The following NPW variants were observed in gnomAD, a reference collection of about 807,000 sequenced individuals.
The protein encoded by NPW is neuropeptide W.
NPW carries 8 observed loss-of-function variants against 9.9 expected under a neutral mutation model. That is an observed-to-expected ratio of 0.81 (90% CI 0.47 to 1.46). NPW has a LOEUF of 1.46. Ranked by LOEUF, NPW falls within the 40% of genes most tolerant of loss-of-function variation. The pLI is 0.00. For missense variants in NPW, 287 were observed against 240.3 expected (o/e 1.19, Z -1.28); for synonymous variants, 134 against 119.9 (o/e 1.12, Z -0.77).
At position 2,020,228 on chromosome 16, in the gene NPW, G is replaced by T. The variant is rs1478767270; in HGVS notation, c.327G>T (p.Gly109=). The change falls in exon 1 of 2, where the codon GGG becomes GGT. Residue 109 remains glycine, a synonymous_variant. Transcript: ENST00000566435. ...CGCGACGCAGGAGCTCCCAGGCAGG[G>T]ATCCCCGTCCGTGCGCCCCGGAGCC... 1 of 1,585,630 alleles carries T rather than the reference G, an allele frequency of 6.3e-7. No individual in the cohort carries two copies. The highest frequency in any genetic ancestry group is 2.3e-5 in the East Asian group (1 of 43,990).
At position 2,020,100 on chromosome 16, in the gene NPW, C is replaced by T. The variant is rs377181778; in HGVS notation, c.199C>T (p.Arg67Cys). ...ACCCTATCTGTGGCGCCGCGCGCTG[C>T]GCGCGGCCGCCGGGCCCCTGGCCAG... The change falls in exon 1 of 2, where the codon CGC (arginine) becomes TGC (cysteine). Residue 67 changes from arginine to cysteine, a missense_variant. Coordinates refer to ENST00000566435, the MANE Select transcript of NPW (RefSeq NM_001099456.3). The T allele has an allele frequency of 1.3e-6, 2 of 1,504,996 alleles. No homozygotes were observed. Among genetic ancestry groups the T allele is most frequent in the East Asian group, 2.5e-5 (1 of 40,450 alleles). 93.2% of individuals were successfully genotyped at this position (1,504,996 alleles called of 1,614,324 possible). A position where few individuals can be genotyped will look rare whatever the true frequency, so the allele number is the denominator to read the frequency against.
chr16:2,020,021 C>G lies in NPW; in HGVS notation c.120C>G (p.Pro40=), dbSNP rs769388846. The G allele has an allele frequency of 1.3e-5, 19 of 1,500,342 alleles. No individual in the cohort carries two copies. The East Asian group carries it at 5.1e-4, about 41-fold the overall frequency. The allele number at this position is 1,500,342 out of a possible 1,614,324, so 92.9% of individuals were successfully genotyped here. ...CGTGGTACAAGCACGTGGCGAGTCC[C>G]CGCTACCACACGGTGGGCCGCGCCG... Residue 40 remains proline, a synonymous_variant, in exon 1 of 2, where the codon CCC becomes CCG. Coordinates refer to ENST00000566435, the MANE Select transcript of NPW (RefSeq NM_001099456.3).
chr16:2,019,873 C>G lies in NPW; in HGVS notation c.-29C>G, dbSNP rs1272283918. 2 of 1,213,774 alleles carry G rather than the reference C, an allele frequency of 1.6e-6. No individual in the cohort carries two copies. The highest frequency in any genetic ancestry group is 2.0e-6 in the Non-Finnish European group (2 of 977,450). The allele number at this position is 1,213,774 out of a possible 1,614,324, so 75.2% of individuals were successfully genotyped here. A position where few individuals can be genotyped will look rare whatever the true frequency, so the allele number is the denominator to read the frequency against. On this transcript the variant is annotated 5_prime_UTR_variant, in exon 1 of 2. Coordinates refer to ENST00000566435, the MANE Select transcript of NPW (RefSeq NM_001099456.3). Reference sequence around the variant, plus strand: ...CCAGCCGAGCCGGTTCGTGGCCCGCCCCGCCGGGCGGCCGTCGACGCGAGC... The same window carrying G: ...CCAGCCGAGCCGGTTCGTGGCCCGCGCCGCCGGGCGGCCGTCGACGCGAGC...
Position 2,020,124 on chromosome 16 carries a change from A to T in NPW, c.223A>T (p.Arg75Trp), listed in dbSNP as rs771332538. ...GCGCGCGGCCGCCGGGCCCCTGGCC[A>T]GGGACACCCTCTCCCCCGAACCCGC... Residue 75 changes from arginine to tryptophan, a missense_variant, in exon 1 of 2, where the codon AGG becomes TGG. Transcript: ENST00000566435. 6.5e-7 allele frequency: 1 copy of T among 1,549,296 alleles called. No homozygotes were observed. Among genetic ancestry groups the T allele is most frequent in the Non-Finnish European group, 8.7e-7 (1 of 1,153,350 alleles).
Position 2,020,601 on chromosome 16 carries a change from G to GA in NPW, c.480_481insA (p.Ala161SerfsTer19), listed in dbSNP as rs1319779153. On this transcript the variant is annotated frameshift_variant, in exon 2 of 2. Coordinates refer to ENST00000566435, the MANE Select transcript of NPW (RefSeq NM_001099456.3). LOFTEE classifies it high-confidence loss of function. ...CAAACCGCCTTGGCCTGCCCTGCCT[G>GA]GCCCCCGGACCGTTCTGACAGCGTC... 6.2e-7 allele frequency: 1 copy of GA among 1,604,432 alleles called. No individual in the cohort carries two copies. The highest frequency in any genetic ancestry group is 8.5e-7 in the Non-Finnish European group (1 of 1,174,458).
rs973392837 is a variant in NPW at position 2,019,912 on chromosome 16, G to C, written c.11G>C (p.Arg4Pro). 2.4e-6 allele frequency: 3 copies of C among 1,276,510 alleles called. No individual in the cohort carries two copies. The highest frequency in any genetic ancestry group is 3.0e-6 in the Non-Finnish European group (3 of 1,013,252). The allele number at this position is 1,276,510 out of a possible 1,614,324, so 79.1% of individuals were successfully genotyped here. Residue 4 changes from arginine (R) to proline (P), a missense_variant, in exon 1 of 2, where the codon CGC becomes CCC. Physicochemically the swap from Arg to Pro is moderately radical, Grantham distance 103. Coordinates refer to ENST00000566435, the MANE Select transcript of NPW (RefSeq NM_001099456.3). Reference sequence around the variant, plus strand: ...GTCGACGCGAGCGCCCTGGCGTGGCGCCCAGGGGAGCGGGGGGCTCCCGCG... The same window carrying C: ...GTCGACGCGAGCGCCCTGGCGTGGCCCCCAGGGGAGCGGGGGGCTCCCGCG...
At chr16:2,020,502 C>G in intron 1 of NPW, 31 bp from the exon 2 acceptor site, 1 of 1,504,372 alleles carries the variant, frequency 6.6e-7, no homozygotes, top group Non-Finnish European at 9.2e-7. Context: ...GCCACAGCCT[C>G]CTCCCCACGG....
At chr16:2,020,481 G>A in intron 1 of NPW, 52 bp from the exon 2 acceptor site, 1 of 1,417,824 alleles carries the variant, frequency 7.1e-7, no homozygotes, top group Non-Finnish European at 9.9e-7. Context: ...CCCGGGGGCG[G>A]TGGTTGGAGG....
In NPW at chr16:2,019,991, C is replaced by A; in HGVS notation, c.90C>A (p.Ser30=). The A allele has an allele frequency of 6.9e-7, 1 of 1,448,150 alleles. No individual in the cohort carries two copies. Among genetic ancestry groups the A allele is most frequent in the Non-Finnish European group, 9.1e-7 (1 of 1,101,430 alleles). 89.7% of individuals were successfully genotyped at this position (1,448,150 alleles called of 1,614,324 possible). A position where few individuals can be genotyped will look rare whatever the true frequency, so the allele number is the denominator to read the frequency against. ...TTCTGCTCCTGCTGCCGCTGCCCTC[C>A]GGCGCGTGGTACAAGCACGTGGCGA... The change falls in exon 1 of 2, where the codon TCC becomes TCA. Residue 30 remains serine (S), a synonymous_variant. Transcript: ENST00000566435.
At position 2,020,628 on chromosome 16, in the gene NPW, C is replaced by A; in HGVS notation, c.*9C>A. The A allele has an allele frequency of 6.4e-7, 1 of 1,561,134 alleles. No individual in the cohort carries two copies. The highest frequency in any genetic ancestry group is 8.8e-7 in the Non-Finnish European group (1 of 1,141,352). On this transcript the variant is annotated 3_prime_UTR_variant, in exon 2 of 2. Transcript: ENST00000566435. ...CCCCCGGACCGTTCTGACAGCGTCCCCCGCCCGCCCGTGGCGCCTCCGCGC... is the reference window on the plus strand; with the variant it reads ...CCCCCGGACCGTTCTGACAGCGTCCACCGCCCGCCCGTGGCGCCTCCGCGC...
chr16:2,020,172 C>T lies in NPW; in HGVS notation c.271C>T (p.Leu91=). The change falls in exon 1 of 2, where the codon CTG becomes TTG. Residue 91 remains leucine (L), a synonymous_variant. Coordinates refer to ENST00000566435, the MANE Select transcript of NPW (RefSeq NM_001099456.3). Reference sequence around the variant, plus strand: ...CGCAGCCCGCGAGGCTCCTCTCCTGCTGCCCTCGTGGGTTCAGGAGCTGTG... The same window carrying T: ...CGCAGCCCGCGAGGCTCCTCTCCTGTTGCCCTCGTGGGTTCAGGAGCTGTG... The T allele has an allele frequency of 6.3e-7, 1 of 1,591,964 alleles. No individual in the cohort carries two copies. Among genetic ancestry groups the T allele is most frequent in the Non-Finnish European group, 8.5e-7 (1 of 1,172,252 alleles).
Position 2,019,929 on chromosome 16 carries a change from G to C in NPW, c.28G>C (p.Ala10Pro). The change falls in exon 1 of 2, where the codon GCT (alanine) becomes CCT (proline). Residue 10 changes from alanine (A) to proline (P), a missense_variant. By Grantham distance (27) the Ala-to-Pro change is conservative. Transcript: ENST00000566435. The stretch of plus-strand genomic sequence containing the variant: ...GGCGTGGCGCCCAGGGGAGCGGGGG[G>C]CTCCCGCGAGCCGGCCGCGGCTGGC... The C allele has an allele frequency of 1.5e-6, 2 of 1,323,542 alleles. No homozygotes were observed. The highest frequency in any genetic ancestry group is 1.9e-6 in the Non-Finnish European group (2 of 1,036,586). The allele number at this position is 1,323,542 out of a possible 1,614,324, so 82.0% of individuals were successfully genotyped here.
chr16:2,020,454 C>G, intron 1 of NPW, 79 bp from the exon 2 acceptor site: 1 of 1,324,434 alleles, frequency 7.6e-7, no homozygotes, highest in East Asian at 2.4e-5. Flanking sequence ...TTTCCCTGGG[C>G]AGGCTCGACC....
chr16:2,020,115 C>A lies in NPW; in HGVS notation c.214C>A (p.Pro72Thr). 1.3e-6 allele frequency: 2 copies of A among 1,529,212 alleles called. No homozygotes were observed. The highest frequency in any genetic ancestry group is 2.1e-5 in the Admixed American group (1 of 48,364). The allele number at this position is 1,529,212 out of a possible 1,614,324, so 94.7% of individuals were successfully genotyped here. Residue 72 changes from proline to threonine, a missense_variant, in exon 1 of 2, where the codon CCC becomes ACC. By Grantham distance (38) the Pro-to-Thr change is conservative (BLOSUM62 -1). Transcript: ENST00000566435. Reference sequence around the variant, plus strand: ...CCGCGCGCTGCGCGCGGCCGCCGGGCCCCTGGCCAGGGACACCCTCTCCCC... The same window carrying A: ...CCGCGCGCTGCGCGCGGCCGCCGGGACCCTGGCCAGGGACACCCTCTCCCC...
Position 2,020,192 on chromosome 16 carries a change from G to C in NPW, c.291G>C (p.Glu97Asp). ...TCCTGCTGCCCTCGTGGGTTCAGGA[G>C]CTGTGGGAGACGCGACGCAGGAGCT... is the stretch of plus-strand genomic sequence containing the variant. The change falls in exon 1 of 2, where the codon GAG (glutamate) becomes GAC (aspartate). Residue 97 changes from glutamate to aspartate, a missense_variant. By Grantham distance (45) the Glu-to-Asp change is conservative (BLOSUM62 2). Transcript: ENST00000566435. The C allele has an allele frequency of 6.3e-7, 1 of 1,598,582 alleles. No homozygotes were observed. The highest frequency in any genetic ancestry group is 8.5e-7 in the Non-Finnish European group (1 of 1,176,024).
Position 2,020,098 on chromosome 16 carries a change from TGC to T in NPW, c.203_204del (p.Ala68GlyfsTer111). The T allele has an allele frequency of 6.7e-7, 1 of 1,501,512 alleles. No individual in the cohort carries two copies. Among genetic ancestry groups the T allele is most frequent in the Admixed American group, 2.3e-5 (1 of 43,668 alleles). The allele number at this position is 1,501,512 out of a possible 1,614,324, so 93.0% of individuals were successfully genotyped here. A position where few individuals can be genotyped will look rare whatever the true frequency, so the allele number is the denominator to read the frequency against. ...TCACCCTATCTGTGGCGCCGCGCGCTGCGCGCGGCCGCCGGGCCCCTGGCCAG... is the reference window on the plus strand; with the variant it reads ...TCACCCTATCTGTGGCGCCGCGCGCTGCGCGGCCGCCGGGCCCCTGGCCAG... On this transcript the variant is annotated frameshift_variant, in exon 1 of 2. Coordinates refer to ENST00000566435, the MANE Select transcript of NPW (RefSeq NM_001099456.3). LOFTEE classifies it high-confidence loss of function.
At position 2,019,925 on chromosome 16, in the gene NPW, G is replaced by T; in HGVS notation, c.24G>T (p.Arg8=). The T allele has an allele frequency of 7.6e-7, 1 of 1,316,726 alleles. No homozygotes were observed. Among genetic ancestry groups the T allele is most frequent in the Non-Finnish European group, 9.7e-7 (1 of 1,033,146 alleles). 81.6% of individuals were successfully genotyped at this position (1,316,726 alleles called of 1,614,324 possible). ...CCCTGGCGTGGCGCCCAGGGGAGCG[G>T]GGGGCTCCCGCGAGCCGGCCGCGGC... Residue 8 remains arginine, a synonymous_variant, in exon 1 of 2, where the codon CGG becomes CGT. Coordinates refer to ENST00000566435, the MANE Select transcript of NPW (RefSeq NM_001099456.3).
rs1448403463 is a variant in NPW at position 2,020,002 on chromosome 16, A to G, written c.101A>G (p.Tyr34Cys). The change falls in exon 1 of 2, where the codon TAC (tyrosine) becomes TGC (cysteine). Residue 34 changes from tyrosine to cysteine, a missense_variant. Coordinates refer to ENST00000566435, the MANE Select transcript of NPW (RefSeq NM_001099456.3). Reference sequence around the variant, plus strand: ...CTGCCGCTGCCCTCCGGCGCGTGGTACAAGCACGTGGCGAGTCCCCGCTAC... The same window carrying G: ...CTGCCGCTGCCCTCCGGCGCGTGGTGCAAGCACGTGGCGAGTCCCCGCTAC... 1.3e-6 allele frequency: 2 copies of G among 1,491,626 alleles called. No individual in the cohort carries two copies. Among genetic ancestry groups the G allele is most frequent in the African/African-American group, 2.9e-5 (2 of 68,570 alleles). The allele number at this position is 1,491,626 out of a possible 1,614,324, so 92.4% of individuals were successfully genotyped here.
In NPW at chr16:2,020,078, C is replaced by T. The variant is rs1485072328; in HGVS notation, c.177C>T (p.Pro59=). 1.3e-6 allele frequency: 2 copies of T among 1,497,816 alleles called. No homozygotes were observed. Among genetic ancestry groups the T allele is most frequent in the Non-Finnish European group, 1.8e-6 (2 of 1,132,240 alleles). The allele number at this position is 1,497,816 out of a possible 1,614,324, so 92.8% of individuals were successfully genotyped here. ...TGCTCATGGGGCTGCGTCGCTCACC[C>T]TATCTGTGGCGCCGCGCGCTGCGCG... The change falls in exon 1 of 2, where the codon CCC becomes CCT. Residue 59 remains proline, a synonymous_variant. Coordinates refer to ENST00000566435, the MANE Select transcript of NPW (RefSeq NM_001099456.3).
Sources: gnomAD v4.1 joint callset for allele counts on GRCh38, gnomAD v4.1.1 for gene constraint, MANE v1.5 for transcripts, NCBI Gene and HGNC (gene_info 2026-07-23, HGNC 2026-07-21) for gene names.